ARHGAP31: variants seen among roughly 807,000 people sequenced by gnomAD.
ARHGAP31 encodes Rho GTPase activating protein 31.
A neutral mutation model predicts 113.9 loss-of-function variants in ARHGAP31; 34 were observed. The ratio of observed to expected loss-of-function variants is 0.30; its 90% confidence interval spans 0.23 to 0.40. ARHGAP31 has a LOEUF of 0.40. ARHGAP31 is among the 10% of genes least tolerant of loss of function. ARHGAP31 has a pLI of 1.00. For missense variants in ARHGAP31, 1,548 were observed against 1,767.1 expected (o/e 0.88, Z 2.22); for synonymous variants, 650 against 684.8 (o/e 0.95, Z 0.79).
chr3:119,337,250 T>C (rs565761784), intron 1 of ARHGAP31, among the ~76,000 whole-genome samples: 1 of 152,206 alleles, frequency 6.6e-6, no homozygotes, highest in East Asian at 1.9e-4. Context: ...TGCTTCCTTC[T>C]GGTGGGTTCA....
intron 1 of ARHGAP31, among the ~76,000 whole-genome samples, chr3:119,337,200 C>T (rs116741727): frequency 0.022 from 3,295 of 152,274 alleles, 53 homozygotes; most frequent in East Asian, 0.062. Flanking sequence ...GACGGTTTAT[C>T]TGGAGTTTGT....
intron 1 of ARHGAP31, among the ~76,000 whole-genome samples, chr3:119,317,860 G>T (rs2079747765): frequency 6.6e-6 from 1 of 152,168 alleles, no homozygotes; most frequent in Non-Finnish European, 1.5e-5. Context: ...GGAAACTGAG[G>T]AATATGGAGA....
intron 10 of ARHGAP31, among the ~76,000 whole-genome samples, chr3:119,404,667 G>T (rs1461815138): frequency 6.6e-6 from 1 of 152,228 alleles, no homozygotes; most frequent in African/African-American, 2.4e-5. Flanking sequence ...AGTTGCTCTG[G>T]TCAAACCAAC....
At chr3:119,364,157 T>G (rs1167889338) in intron 1 of ARHGAP31, among the ~76,000 whole-genome samples, 1 of 145,076 alleles carries the variant, frequency 6.9e-6, no homozygotes. Context: ...AGGCAGGAAC[T>G]CAGGAGGCCC....
intron 7 of ARHGAP31, among the ~76,000 whole-genome samples, chr3:119,391,603 C>CA (rs1175311100): frequency 2.6e-5 from 3 of 115,450 alleles, no homozygotes; most frequent in South Asian, 3.3e-4. Context: ...CCCCCTCCCC[C>CA]CCGCCGTCAC....
chr3:119,393,535 C>T lies in ARHGAP31; in HGVS notation c.950C>T (p.Ser317Phe). ...AACCTGGGACGTTCTGGATCAGACT[C>T]CAAATCAAAACTGAGTAGAAATGGG... Reference protein sequence around the residue: ...IFNLGRSGSDSKSKLSRNGSV... With the variant: ...IFNLGRSGSDFKSKLSRNGSV... Residue 317 changes from serine to phenylalanine, a missense_variant, in exon 8 of 12, where the codon TCC (serine) becomes TTC (phenylalanine). Coordinates refer to ENST00000264245, the MANE Select transcript of ARHGAP31 (RefSeq NM_020754.4). The T allele has an allele frequency of 6.2e-7, 1 of 1,614,080 alleles. No homozygotes were observed. The highest frequency in any genetic ancestry group is 8.5e-7 in the Non-Finnish European group (1 of 1,179,964).
chr3:119,301,556 G>A (rs1229016227), intron 1 of ARHGAP31, among the ~76,000 whole-genome samples: 2 of 152,200 alleles, frequency 1.3e-5, no homozygotes, highest in Non-Finnish European at 2.9e-5. Flanking sequence ...TTTTCTGTAG[G>A]GTGGAAGCAG....
At chr3:119,313,265 A>C (rs2107598453) in intron 1 of ARHGAP31, among the ~76,000 whole-genome samples, 1 of 152,324 alleles carries the variant, frequency 6.6e-6, no homozygotes, top group Non-Finnish European at 1.5e-5. Context: ...ATTTTCTTGG[A>C]AATCCTTCCA....
intron 1 of ARHGAP31, among the ~76,000 whole-genome samples, chr3:119,310,088 C>T (rs1057212790): frequency 6.6e-6 from 1 of 152,114 alleles, no homozygotes; most frequent in Non-Finnish European, 1.5e-5. Context: ...TGTCTCAGTC[C>T]GTCACACTAC....
chr3:119,304,084 G>A (rs774805994), intron 1 of ARHGAP31, among the ~76,000 whole-genome samples: 5 of 152,024 alleles, frequency 3.3e-5, no homozygotes, highest in African/African-American at 4.8e-5. Flanking sequence ...GTAAGCCACC[G>A]CACCCGGCCT....
rs1422341095 is a variant in ARHGAP31 at position 119,390,822 on chromosome 3, C to T, written c.720C>T (p.Ala240=). ...RPIMKSLTLP[A]LSLPMKLVSL... is the part of the protein sequence containing the mutation. ...TCATGAAGAGCCTGACCTTGCCAGC[C>T]CTCTCCCTGCCCATGAAGCTGGTGA... The change falls in exon 7 of 12, where the codon GCC becomes GCT. Residue 240 remains alanine, a synonymous_variant. Coordinates refer to ENST00000264245, the MANE Select transcript of ARHGAP31 (RefSeq NM_020754.4). The T allele has an allele frequency of 1.2e-6, 2 of 1,613,366 alleles. No homozygotes were observed. The highest frequency in any genetic ancestry group is 1.1e-5 in the South Asian group (1 of 91,036).
intron 1 of ARHGAP31, chr3:119,325,019 G>A (rs976240912): frequency 6.4e-5 from 29 of 454,908 alleles, no homozygotes; most frequent in African/African-American, 2.4e-4. Context: ...ATATGATGCC[G>A]TCTTAAATTA....
intron 8 of ARHGAP31, among the ~76,000 whole-genome samples, chr3:119,394,650 C>A (rs116780948): frequency 0.022 from 3,372 of 151,594 alleles, 91 homozygotes; most frequent in South Asian, 0.068. Flanking sequence ...GGAAAAAAAA[C>A]CAAAAAAACA....
At chr3:119,413,758 A>C in intron 11 of ARHGAP31, 98 bp from the exon 12 acceptor site, 2 of 1,554,072 alleles carry the variant, frequency 1.3e-6, no homozygotes, top group Non-Finnish European at 1.8e-6. Flanking sequence ...GAACTGGCAC[A>C]GGCTGGTGCT....
intron 1 of ARHGAP31, among the ~76,000 whole-genome samples, chr3:119,295,955 G>A (rs1198968311): frequency 6.6e-6 from 1 of 152,184 alleles, no homozygotes; most frequent in Non-Finnish European, 1.5e-5. Flanking sequence ...TTGACAAAAA[G>A]GCCTTGTCTT....
intron 1 of ARHGAP31, among the ~76,000 whole-genome samples, chr3:119,301,139 T>C (rs2079580948): frequency 6.6e-6 from 1 of 152,192 alleles, no homozygotes; most frequent in Admixed American, 6.5e-5. Context: ...AAACAGCCAC[T>C]TCCACATGCC....
Position 119,410,381 on chromosome 3 carries a change from G to T in ARHGAP31, c.1926+605G>T, listed in dbSNP as rs190138229. 1.3e-4 allele frequency among the ~76,000 whole-genome samples: 20 copies of T among 152,236 alleles called. 1 individual carries two copies. The highest frequency in any genetic ancestry group is 1.3e-3 in the Admixed American group (20 of 15,294). ...AGGTTTTCCAGGGATACCCAAGGAG[G>T]AGTCCTGCATTTGAGAGGCAGCTCT... is the stretch of plus-strand genomic sequence containing the variant. On this transcript the variant is annotated intron_variant, in intron 11 of 11. Transcript: ENST00000264245.
intron 1 of ARHGAP31, among the ~76,000 whole-genome samples, chr3:119,326,737 C>T (rs2079847290): frequency 6.6e-6 from 1 of 152,202 alleles, no homozygotes; most frequent in Non-Finnish European, 1.5e-5. Flanking sequence ...GCTAAGCATT[C>T]AGCAGGTATT....
intron 9 of ARHGAP31, among the ~76,000 whole-genome samples, chr3:119,399,680 C>G (rs1010274597): frequency 6.6e-6 from 1 of 152,182 alleles, no homozygotes; most frequent in Non-Finnish European, 1.5e-5. Flanking sequence ...TTTCCATATG[C>G]TTTCGCTTCC....
Sources: allele counts gnomAD v4.1 joint callset (sites outside exome capture counted in the v4.1 genomes callset), GRCh38; gene constraint gnomAD v4.1.1; transcripts MANE v1.5; gene names NCBI Gene and HGNC (gene_info 2026-07-23, HGNC 2026-07-21).